VPS13A: variants seen among roughly 807,000 people sequenced by gnomAD.
The protein encoded by VPS13A is intermembrane lipid transfer protein VPS13A.
In VPS13A, 264 loss-of-function variants were observed where a neutral mutation model predicts 390.9. The ratio of observed to expected loss-of-function variants is 0.68; its 90% CI spans 0.61 to 0.75. VPS13A has a LOEUF of 0.75. Among genes scored for constraint, VPS13A ranks in the 30% least tolerant of loss-of-function variants. The probability of loss-of-function intolerance (pLI) is 0.00; values close to 1 mark genes in which losing one functional copy is unlikely to be tolerated. For synonymous variants in VPS13A, 1,231 were observed against 1,227.1 expected, an observed-to-expected ratio of 1.00 and a Z score of -0.07; for missense variants, 3,409 against 3,733.9, an observed-to-expected ratio of 0.91 and a Z score of 2.27.
At chr9:77,364,717 A>C (rs1832341527) in intron 59 of VPS13A, among the ~76,000 whole-genome samples, 1 of 152,150 alleles carries the variant, frequency 6.6e-6, no homozygotes, top group South Asian at 2.1e-4. Flanking sequence ...CAAATTCTTT[A>C]GGTTTTCTTA....
chr9:77,254,117 G>A (rs1373803677), intron 22 of VPS13A, among the ~76,000 whole-genome samples: 2 of 151,336 alleles, frequency 1.3e-5, no homozygotes, highest in Non-Finnish European at 2.9e-5. Flanking sequence ...CTAATTTTTT[G>A]TATTTTTAGT....
At position 77,340,573 on chromosome 9, in the gene VPS13A, T is replaced by C. The variant is rs1335526719; in HGVS notation, c.7026+23T>C. On this transcript the variant is annotated intron_variant, in intron 50 of 71. Coordinates refer to ENST00000360280, the MANE Select transcript of VPS13A (RefSeq NM_033305.3). The stretch of plus-strand genomic sequence containing the variant: ...CAGGTGGGTAGATGAATTTCAAAAA[T>C]ATACCTCTTTGGATTCTATTTTCTC... 3 of 1,611,356 alleles carry C rather than the reference T, an allele frequency of 1.9e-6. No individual in the cohort carries two copies. In the South Asian group the frequency reaches 3.3e-5, roughly 18 times the overall value.
rs1276770332 is a variant in VPS13A at position 77,214,398 on chromosome 9, T to G, written c.754+12T>G. On this transcript the variant is annotated intron_variant, in intron 10 of 71. Transcript: ENST00000360280. ...AGGTTATGATTTTGGTAAGTACATT[T>G]TATAAGATAAAAAAAGTAGTTAAAG... 1 of 1,605,364 alleles carries G rather than the reference T, an allele frequency of 6.2e-7. No homozygotes were observed. Among genetic ancestry groups the G allele is most frequent in the Admixed American group, 1.7e-5 (1 of 59,978 alleles).
At chr9:77,267,630 A>C (rs1826113789) in intron 23 of VPS13A, among the ~76,000 whole-genome samples, 2 of 152,274 alleles carry the variant, frequency 1.3e-5, no homozygotes, top group East Asian at 3.9e-4. Flanking sequence ...TCTCCCAGTC[A>C]GGAGGCATGG....
chr9:77,194,093 T>C (rs75860081), intron 1 of VPS13A, among the ~76,000 whole-genome samples: 1,794 of 151,982 alleles, frequency 0.012, 22 homozygotes, highest in South Asian at 0.029. Flanking sequence ...GTGGTGACAG[T>C]AGGGTGGTAA....
chr9:77,209,575 T>C, intron 6 of VPS13A, 43 bp downstream of exon 6: 2 of 1,251,870 alleles, frequency 1.6e-6, no homozygotes, highest in Non-Finnish European at 2.3e-6. Context: ...TATTTATATG[T>C]AAGTTATTTT....
chr9:77,212,095 A>G (rs1191818483), intron 7 of VPS13A, among the ~76,000 whole-genome samples: 1 of 152,138 alleles, frequency 6.6e-6, no homozygotes, highest in East Asian at 1.9e-4. Flanking sequence ...GAGAGCTACT[A>G]TTCTAATTAT....
chr9:77,350,421 TC>T (rs1432129061), intron 52 of VPS13A, among the ~76,000 whole-genome samples: 1 of 152,212 alleles, frequency 6.6e-6, no homozygotes, highest in African/African-American at 2.4e-5. Context: ...AAAATGTTGT[TC>T]TGAGTTCATC....
Position 77,318,247 on chromosome 9 carries a change from A to G in VPS13A, c.4969A>G (p.Ile1657Val), listed in dbSNP as rs1201720731. Residue 1657 changes from isoleucine (I) to valine (V), a missense_variant, in exon 41 of 72, where the codon ATT (isoleucine) becomes GTT (valine). Ile to Val is a conservative substitution (Grantham distance 29). This residue lies in a region of VPS13A where 2,717 missense variants were observed against 2,917.4 expected (regional missense o/e 0.93). Coordinates refer to ENST00000360280, the MANE Select transcript of VPS13A (RefSeq NM_033305.3). ...KSLTLKVSPV[I>V]INTMITITSA... ...TTTTTCCATTTAGGTTTCACCAGTT[A>G]TTATAAATACTATGATTACCATAAC... 1 of 1,594,900 alleles carries G rather than the reference A, an allele frequency of 6.3e-7. No homozygotes were observed. The highest frequency in any genetic ancestry group is 8.5e-7 in the Non-Finnish European group (1 of 1,173,242).
At chr9:77,289,387 A>G (rs372889558) in intron 31 of VPS13A, among the ~76,000 whole-genome samples, 1 of 152,032 alleles carries the variant, frequency 6.6e-6, no homozygotes, top group Admixed American at 6.5e-5. Context: ...TCTGTTCTCT[A>G]ATTTTGTTTA....
intron 52 of VPS13A, 40 bp downstream of exon 52, chr9:77,345,182 G>T (rs1248935511): frequency 1.9e-6 from 3 of 1,603,848 alleles, no homozygotes; most frequent in Non-Finnish European, 2.6e-6. Flanking sequence ...GATGGTGTAA[G>T]TCTAGATGAT....
At position 77,207,964 on chromosome 9, in the gene VPS13A, G is replaced by T. The variant is rs956896130; in HGVS notation, c.386-1459G>T. ...GCTTTTCATGTAAAATGGATAGTTG[G>T]TTTTATTCAGGATTGGTACTTTATT... On this transcript the variant is annotated intron_variant, in intron 5 of 71. Coordinates refer to ENST00000360280, the MANE Select transcript of VPS13A (RefSeq NM_033305.3). Among the ~76,000 whole-genome samples the T allele has an allele frequency of 3.9e-5, 6 of 152,198 alleles. No individual in the cohort carries two copies. The South Asian group carries it at 6.2e-4, about 16-fold the overall frequency.
intron 71 of VPS13A, among the ~76,000 whole-genome samples, chr9:77,414,863 C>G (rs577920880): frequency 5.3e-5 from 8 of 152,110 alleles, no homozygotes; most frequent in African/African-American, 1.9e-4. Flanking sequence ...ACTCATACAA[C>G]ACTCTGCGTT....
At chr9:77,184,509 C>T (rs964017296) in intron 1 of VPS13A, among the ~76,000 whole-genome samples, 18 of 152,114 alleles carry the variant, frequency 1.2e-4, no homozygotes, top group African/African-American at 4.3e-4. Flanking sequence ...GTCCCAGCTA[C>T]TTGGGAGGCT....
At chr9:77,348,203 G>A (rs1011696630) in intron 52 of VPS13A, among the ~76,000 whole-genome samples, 1 of 152,136 alleles carries the variant, frequency 6.6e-6, no homozygotes, top group Non-Finnish European at 1.5e-5. Flanking sequence ...ATTCACAATA[G>A]CAAAGACATG....
At chr9:77,297,406 C>T (rs540825437) in intron 33 of VPS13A, among the ~76,000 whole-genome samples, 1 of 151,920 alleles carries the variant, frequency 6.6e-6, no homozygotes, top group Non-Finnish European at 1.5e-5. Flanking sequence ...CTGGCCTTCC[C>T]CTGGGTCCCC....
At position 77,351,418 on chromosome 9, in the gene VPS13A, A is replaced by T; in HGVS notation, c.7391A>T (p.Lys2464Ile). 1.2e-6 allele frequency: 2 copies of T among 1,613,814 alleles called. No individual in the cohort carries two copies. Among genetic ancestry groups the T allele is most frequent in the Non-Finnish European group, 1.7e-6 (2 of 1,179,790 alleles). Residue 2464 changes from lysine (K) to isoleucine (I), a missense_variant, in exon 53 of 72, where the codon AAA (lysine) becomes ATA (isoleucine). Coordinates refer to ENST00000360280, the MANE Select transcript of VPS13A (RefSeq NM_033305.3). ...GSRRLKWRCR[K>I]SHGEVTQKDD... ...AGAAGGCTGAAGTGGAGATGTAGAAAAAGCCATGGTGAAGTAACACAGAAG... is the reference window on the plus strand; with the variant it reads ...AGAAGGCTGAAGTGGAGATGTAGAATAAGCCATGGTGAAGTAACACAGAAG...
chr9:77,333,951 A>G (rs1048606404), intron 46 of VPS13A, among the ~76,000 whole-genome samples: 1 of 152,234 alleles, frequency 6.6e-6, no homozygotes, highest in Non-Finnish European at 1.5e-5. Context: ...GATATATTAC[A>G]TAAATGTATA....
In VPS13A at chr9:77,283,365, A is replaced by G. The variant is rs1350362110; in HGVS notation, c.3129A>G (p.Leu1043=). Residue 1043 remains leucine, a synonymous_variant, in exon 30 of 72, where the codon CTA becomes CTG. Coordinates refer to ENST00000360280, the MANE Select transcript of VPS13A (RefSeq NM_033305.3). ...GDVIKKLALK[L]STNEDIITLQ... ...AATTTTTTTTTGCAGCTTTAAAACT[A>G]TCCACAAATGAAGATATCATTACTT... 2.5e-6 allele frequency: 4 copies of G among 1,591,516 alleles called. No homozygotes were observed. The highest frequency in any genetic ancestry group is 2.7e-5 in the African/African-American group (2 of 74,544).
Sources: gnomAD v4.1 joint callset for allele counts (sites outside exome capture counted in the v4.1 genomes callset) on GRCh38, gnomAD v4.1.1 for gene constraint, gnomAD v4.1.1 regional missense constraint, MANE v1.5 for transcripts, NCBI Gene and HGNC (gene_info 2026-07-23, HGNC 2026-07-21) for gene names.